Variants in WNK1 observed in about 807,000 individuals in gnomAD.
WNK1 encodes the protein serine/threonine-protein kinase WNK1.
Under a neutral mutation model 222.8 loss-of-function variants are expected in WNK1, and 38 were observed. That is an observed-to-expected ratio of 0.17 (90% CI 0.13 to 0.22). The LOEUF (loss-of-function observed/expected upper bound fraction) is 0.22. Among genes scored for constraint, WNK1 ranks in the 10% least tolerant of loss-of-function variants. WNK1 has a pLI of 1.00. For missense variants in WNK1, 2,348 were observed against 2,918.4 expected (o/e 0.80, Z 4.50); for synonymous variants, 1,090 against 1,092.9 (o/e 1.00, Z 0.05).
intron 1 of WNK1, among the ~76,000 whole-genome samples, chr12:792,585 A>T (rs1944947620): frequency 6.6e-6 from 1 of 152,098 alleles, no homozygotes; most frequent in Non-Finnish European, 1.5e-5. Flanking sequence ...AAGTGCTGGG[A>T]TTACAGGTAT....
chr12:797,277 T>G (rs1457557500), intron 1 of WNK1, among the ~76,000 whole-genome samples: 1 of 152,198 alleles, frequency 6.6e-6, no homozygotes, highest in African/African-American at 2.4e-5. Context: ...TAGCTATAAT[T>G]GTTGGATGGA....
rs1297368558 is a variant in WNK1 at position 900,521 on chromosome 12, A to G, written c.6494A>G (p.Gln2165Arg). The G allele has an allele frequency of 6.2e-7, 1 of 1,614,186 alleles. No individual in the cohort carries two copies. Among genetic ancestry groups the G allele is most frequent in the Non-Finnish European group, 8.5e-7 (1 of 1,180,030 alleles). The change falls in exon 26 of 28, where the codon CAG becomes CGG. Residue 2165 changes from glutamine (Q) to arginine (R), a missense_variant. Physicochemically the swap from Gln to Arg is conservative, Grantham distance 43. Transcript: ENST00000315939. ...GCAGCTTCAGTCTTGCACCCCCAGC[A>G]GACCCTCCACCCTCCTGGCAACATC... ...QSAASVLHPQ[Q>R]TLHPPGNIPE...
intron 16 of WNK1, 72 bp from the exon 17 acceptor site, chr12:883,700 CAT>C (rs1592166383): frequency 2.5e-6 from 4 of 1,596,282 alleles, no homozygotes; most frequent in Middle Eastern, 3.3e-4. Context: ...GTTCTCTTCA[CAT>C]GTGGCAGTTT....
At chr12:861,368 A>T in intron 7 of WNK1, 25 bp downstream of exon 7, 1 of 1,610,262 alleles carries the variant, frequency 6.2e-7, no homozygotes, top group African/African-American at 1.3e-5. Context: ...AAGTGGACAG[A>T]TAGGCTAATG....
At position 879,749 on chromosome 12, in the gene WNK1, T is replaced by C. The variant is rs1473889611; in HGVS notation, c.2550T>C (p.His850=). The change falls in exon 11 of 28, where the codon CAT becomes CAC. Residue 850 remains histidine, a synonymous_variant. Coordinates refer to ENST00000315939, the MANE Select transcript of WNK1 (RefSeq NM_018979.4). ...PVSQIPISTP[H]VSTAQTGFSS... ...CTCAGATTCCCATATCAACTCCTCA[T>C]GTGTCTACGGCTCAGACAGGTTTCT... The C allele has an allele frequency of 1.2e-6, 2 of 1,614,044 alleles. No homozygotes were observed. The highest frequency in any genetic ancestry group is 1.3e-5 in the African/African-American group (1 of 75,004).
chr12:782,559 G>A (rs1005982963), intron 1 of WNK1, among the ~76,000 whole-genome samples: 1 of 152,130 alleles, frequency 6.6e-6, no homozygotes, highest in Non-Finnish European at 1.5e-5. Flanking sequence ...AAATAAAATT[G>A]TAGTGAGCGA....
chr12:869,371 A>G (rs1951948216), intron 8 of WNK1, among the ~76,000 whole-genome samples: 1 of 152,196 alleles, frequency 6.6e-6, no homozygotes, highest in Non-Finnish European at 1.5e-5. Flanking sequence ...CTTCACAATC[A>G]CGACTTCTAT....
intron 1 of WNK1, among the ~76,000 whole-genome samples, chr12:786,466 T>TC (rs1392913098): frequency 2.1e-5 from 3 of 140,446 alleles, no homozygotes; most frequent in South Asian, 2.4e-4. Flanking sequence ...TCCTCTATCT[T>TC]CCCTTTTTTT....
At position 827,674 on chromosome 12, in the gene WNK1, A is replaced by G. The variant is rs899281948; in HGVS notation, c.1153+412A>G. ...CTCCCGAGTAGCTGGGATTACAGGC[A>G]TGCATCACCATGCCTGGCTAATTTT... On this transcript the variant is annotated intron_variant, in intron 3 of 27. Transcript: ENST00000315939. This position sits in a 1 kb window ranked among gnomAD's most constrained non-coding sequence, Gnocchi z 4.6. Among the ~76,000 whole-genome samples the G allele has an allele frequency of 2.6e-5, 4 of 151,976 alleles. No individual in the cohort carries two copies. Among genetic ancestry groups the G allele is most frequent in the South Asian group, 2.1e-4 (1 of 4,822 alleles).
intron 8 of WNK1, 60 bp from the exon 9 acceptor site, chr12:871,205 G>A: frequency 1.4e-6 from 2 of 1,479,386 alleles, no homozygotes; most frequent in South Asian, 1.1e-5. Flanking sequence ...GCAAAAGCCT[G>A]ACCTCTATAC....
intron 10 of WNK1, 59 bp from the exon 11 acceptor site, chr12:879,514 T>TTTTTTTTTTTTTTTTTTTTTTTTTATC: frequency 2.3e-5 from 1 of 43,856 alleles, no homozygotes; most frequent in South Asian, 2.6e-4. Flanking sequence ...GCAGCCTTGC[T>TTTTTTTTTTTTTTTTTTTTTTTTTATC]TTTTTTTTTT....
intron 8 of WNK1, chr12:869,057 GTCTT>G: frequency 6.2e-7 from 1 of 1,613,962 alleles, no homozygotes. Flanking sequence ...ATCTCAGCAG[GTCTT>G]AACTGCCTCA....
intron 1 of WNK1, among the ~76,000 whole-genome samples, chr12:793,154 A>C (rs1945002024): frequency 6.6e-6 from 1 of 152,226 alleles, no homozygotes; most frequent in Non-Finnish European, 1.5e-5. Flanking sequence ...TTAATTTTAG[A>C]GAATAACATC....
Position 755,982 on chromosome 12 carries a change from A to G in WNK1, c.759+1658A>G, listed in dbSNP as rs555125468. On this transcript the variant is annotated intron_variant, in intron 1 of 27. Transcript: ENST00000315939. Reference sequence around the variant, plus strand: ...GAGCGAGACTCCGTCTCAAAAACAAACAAAAACAACAACAACAAAAAAACT... The same window carrying G: ...GAGCGAGACTCCGTCTCAAAAACAAGCAAAAACAACAACAACAAAAAAACT... Among the ~76,000 whole-genome samples, 156 of 152,376 alleles carry G rather than the reference A, an allele frequency of 1.0e-3. 1 individual carries two copies. The highest frequency in any genetic ancestry group is 1.8e-3 in the Non-Finnish European group (123 of 68,030).
In WNK1 at chr12:827,020, T is replaced by G. The variant is rs776360092; in HGVS notation, c.933-22T>G. On this transcript the variant is annotated intron_variant, in intron 2 of 27. Transcript: ENST00000315939. The surrounding 1 kb of genome is among the most constrained non-coding windows in gnomAD (Gnocchi z 4.6). ...AAACTCCTATCATTGATAACTTGTTTGGTATACTTTGCTTTTTCTAGGTAT... is the reference window on the plus strand; with the variant it reads ...AAACTCCTATCATTGATAACTTGTTGGGTATACTTTGCTTTTTCTAGGTAT... 6 of 1,593,162 alleles carry G rather than the reference T, an allele frequency of 3.8e-6. No homozygotes were observed. Among genetic ancestry groups the G allele is most frequent in the Non-Finnish European group, 4.3e-6 (5 of 1,162,670 alleles).
At chr12:905,293 A>T (rs1432278452) in intron 26 of WNK1, among the ~76,000 whole-genome samples, 3 of 152,140 alleles carry the variant, frequency 2.0e-5, no homozygotes, top group Non-Finnish European at 4.4e-5. Flanking sequence ...TTCATTCTTT[A>T]ATGGGAGGCC....
intron 8 of WNK1, among the ~76,000 whole-genome samples, chr12:864,123 T>TTC (rs1951433972): frequency 6.8e-6 from 1 of 147,216 alleles, no homozygotes; most frequent in East Asian, 1.9e-4. Flanking sequence ...TTTTTTTTTT[T>TTC]TTTTGACAGC....
rs1555160733 is a variant in WNK1, at chr12:900,530, A to T, written c.6503A>T (p.His2168Leu). The T allele has an allele frequency of 6.2e-7, 1 of 1,613,934 alleles. No homozygotes were observed. Among genetic ancestry groups the T allele is most frequent in the Non-Finnish European group, 8.5e-7 (1 of 1,179,980 alleles). The change falls in exon 26 of 28, where the codon CAC (histidine) becomes CTC (leucine). Residue 2168 changes from histidine (H) to leucine (L), a missense_variant. Around this residue, in one of 13 missense-constraint regions of WNK1, gnomAD observed 1,144 missense variants for 1,273.6 expected, o/e 0.90. Transcript: ENST00000315939. ...ASVLHPQQTL[H>L]PPGNIPESGQ... ...GTCTTGCACCCCCAGCAGACCCTCCACCCTCCTGGCAACATCCCAGAGTCC... is the reference window on the plus strand; with the variant it reads ...GTCTTGCACCCCCAGCAGACCCTCCTCCCTCCTGGCAACATCCCAGAGTCC...
chr12:907,112 G>T (rs1241487469), intron 26 of WNK1, among the ~76,000 whole-genome samples: 1 of 150,502 alleles, frequency 6.6e-6, no homozygotes, highest in Non-Finnish European at 1.5e-5. Flanking sequence ...CTGAGGTCAG[G>T]AGTTCTTGAG....
Sources: gnomAD v4.1 joint callset for allele counts (sites outside exome capture counted in the v4.1 genomes callset) on GRCh38, gnomAD v4.1.1 for gene constraint, gnomAD v4.1.1 regional missense constraint, Gnocchi (gnomAD v3.1) non-coding constraint, MANE v1.5 for transcripts, NCBI Gene and HGNC (gene_info 2026-07-23, HGNC 2026-07-21) for gene names.